Variants in SLC26A7 observed in about 807,000 individuals in gnomAD.
SLC26A7 encodes the protein solute carrier family 26 member 7.
In SLC26A7, 59 loss-of-function variants were observed where a neutral mutation model predicts 82.5. The observed-to-expected ratio is 0.72, with a 90% CI of 0.58 to 0.89. The LOEUF (loss-of-function observed/expected upper bound fraction) is 0.89. SLC26A7 is among the 40% of genes least tolerant of loss of function. The pLI is 0.00. For missense variants in SLC26A7, 820 were observed against 793.0 expected (o/e 1.03, Z -0.41); for synonymous variants, 271 against 274.3 (o/e 0.99, Z 0.12).
chr8:91,237,113 G>A (rs984042219), intron 2 of SLC26A7, among the ~76,000 whole-genome samples: 1 of 152,122 alleles, frequency 6.6e-6, no homozygotes, highest in African/African-American at 2.4e-5. Context: ...GGTGGCCAGG[G>A]GTAGAACATA....
intron 9 of SLC26A7, among the ~76,000 whole-genome samples, chr8:91,344,921 G>T (rs1813518939): frequency 6.6e-6 from 1 of 151,738 alleles, no homozygotes; most frequent in Non-Finnish European, 1.5e-5. Context: ...AAAATCCTAG[G>T]ATCCTATAGC....
chr8:91,278,368 A>G (rs1811462754), intron 2 of SLC26A7, among the ~76,000 whole-genome samples: 1 of 152,164 alleles, frequency 6.6e-6, no homozygotes, highest in African/African-American at 2.4e-5. Flanking sequence ...ATCCAAAATT[A>G]TCCTTCTATG....
chr8:91,306,507 C>A (rs1563670643), intron 4 of SLC26A7, among the ~76,000 whole-genome samples: 6 of 152,158 alleles, frequency 3.9e-5, no homozygotes, highest in East Asian at 1.9e-4. Context: ...ATTTTCTTTT[C>A]TTTTTTTCAC....
At chr8:91,358,881 T>C (rs879088747) in intron 11 of SLC26A7, among the ~76,000 whole-genome samples, 2 of 151,484 alleles carry the variant, frequency 1.3e-5, no homozygotes, top group Non-Finnish European at 2.9e-5. Flanking sequence ...AATTGAACAA[T>C]GAGAACACTC....
At chr8:91,332,641 C>A (rs529926483) in intron 5 of SLC26A7, among the ~76,000 whole-genome samples, 1 of 151,012 alleles carries the variant, frequency 6.6e-6, no homozygotes, top group Non-Finnish European at 1.5e-5. Context: ...GATTCCCCAC[C>A]GCCAGCAGTC....
At chr8:91,333,293 C>G (rs1813144843) in intron 5 of SLC26A7, among the ~76,000 whole-genome samples, 1 of 152,090 alleles carries the variant, frequency 6.6e-6, no homozygotes, top group Admixed American at 6.6e-5. Context: ...TCCCAAATTA[C>G]CAAGATTGAG....
chr8:91,271,346 A>T (rs1027967242), intron 2 of SLC26A7, among the ~76,000 whole-genome samples: 7 of 152,174 alleles, frequency 4.6e-5, no homozygotes, highest in African/African-American at 1.7e-4. Context: ...CCTATTTTTT[A>T]AAAAAGATTT....
At chr8:91,380,942 G>T (rs1814653861) in intron 15 of SLC26A7, among the ~76,000 whole-genome samples, 1 of 152,032 alleles carries the variant, frequency 6.6e-6, no homozygotes, top group Non-Finnish European at 1.5e-5. Flanking sequence ...ATACAATTGA[G>T]TTTTTACTTA....
At chr8:91,316,344 G>A (rs746840766) in intron 4 of SLC26A7, among the ~76,000 whole-genome samples, 4 of 151,098 alleles carry the variant, frequency 2.6e-5, no homozygotes, top group Admixed American at 6.6e-5. Context: ...CTGCAGTAGC[G>A]TGACCACAGC....
chr8:91,358,619 C>T (rs931875465), intron 11 of SLC26A7, among the ~76,000 whole-genome samples: 2 of 151,834 alleles, frequency 1.3e-5, no homozygotes, highest in South Asian at 2.1e-4. Flanking sequence ...TGTGAGTCAC[C>T]GCACCTGGCC....
At chr8:91,239,393 A>ATATATATATAT (rs1290343702) in intron 2 of SLC26A7, among the ~76,000 whole-genome samples, 3 of 101,850 alleles carry the variant, frequency 2.9e-5, no homozygotes, top group African/African-American at 9.9e-5. Flanking sequence ...AAAAAAAAAA[A>ATATATATATAT]AAATATATAT....
chr8:91,310,635 CAG>C (rs889056656), intron 4 of SLC26A7, among the ~76,000 whole-genome samples: 4 of 152,140 alleles, frequency 2.6e-5, no homozygotes, highest in Non-Finnish European at 5.9e-5. Flanking sequence ...GGCAAAATGG[CAG>C]AGTTTAACTG....
At chr8:91,381,237 A>G (rs896475281) in intron 15 of SLC26A7, among the ~76,000 whole-genome samples, 2 of 152,194 alleles carry the variant, frequency 1.3e-5, no homozygotes, top group Non-Finnish European at 2.9e-5. Flanking sequence ...CATTAGCAGT[A>G]CAATGGACAA....
At chr8:91,269,406 TG>T (rs1811206096) in intron 2 of SLC26A7, among the ~76,000 whole-genome samples, 1 of 152,008 alleles carries the variant, frequency 6.6e-6, no homozygotes, top group Non-Finnish European at 1.5e-5. Flanking sequence ...TAACAGTTTT[TG>T]TTGTTGTTGT....
rs1319328977 is a variant in SLC26A7 at position 91,362,442 on chromosome 8, G to C, written c.1404G>C (p.Val468=). 8 of 1,612,564 alleles carry C rather than the reference G, an allele frequency of 5.0e-6. No homozygotes were observed. The highest frequency in any genetic ancestry group is 6.8e-6 in the Non-Finnish European group (8 of 1,179,100). The change falls in exon 12 of 19, where the codon GTG becomes GTC. Residue 468 remains valine, a synonymous_variant. Transcript: ENST00000276609. ...GTGTTGTTTGTACCATAGCTATAGTGATAGGACGCTTCCCAAGGTAGGATC... is the reference window on the plus strand; with the variant it reads ...GTGTTGTTTGTACCATAGCTATAGTCATAGGACGCTTCCCAAGGTAGGATC... ...LFGVVCTIAI[V]IGRFPRAMTV...
intron 2 of SLC26A7, among the ~76,000 whole-genome samples, chr8:91,285,438 A>C (rs1027565125): frequency 2.0e-4 from 31 of 152,256 alleles, no homozygotes; most frequent in African/African-American, 7.2e-4. Context: ...CACCAGTCAT[A>C]TTGCATTAAG....
At chr8:91,234,695 C>T (rs1263268107) in intron 2 of SLC26A7, among the ~76,000 whole-genome samples, 15 of 152,054 alleles carry the variant, frequency 9.9e-5, no homozygotes, top group Non-Finnish European at 1.9e-4. Context: ...TGAAAATAAT[C>T]TTCTCATTCA....
chr8:91,270,703 A>G (rs1001206837), intron 2 of SLC26A7, among the ~76,000 whole-genome samples: 1 of 152,154 alleles, frequency 6.6e-6, no homozygotes, highest in African/African-American at 2.4e-5. Flanking sequence ...CTTACAGAGG[A>G]AGTTACTAGG....
rs903557125 is a variant in SLC26A7, at chr8:91,362,279, T to A, written c.1315-74T>A. ...CACAAGAGTGTTAAGAATATGATTG[T>A]GAGGAACTTAGCAATAATGAGAAGA... is the stretch of plus-strand genomic sequence containing the variant. On this transcript the variant is annotated intron_variant, in intron 11 of 18. Coordinates refer to ENST00000276609, the MANE Select transcript of SLC26A7 (RefSeq NM_052832.4). 2.1e-5 allele frequency: 22 copies of A among 1,055,608 alleles called. No individual in the cohort carries two copies. In the African/African-American group the frequency reaches 2.3e-4, roughly 11 times the overall value. The allele number at this position is 1,055,608 out of a possible 1,614,324, so 65.4% of individuals were successfully genotyped here. A position where few individuals can be genotyped will look rare whatever the true frequency, so the allele number is the denominator to read the frequency against.
Sources: gnomAD v4.1 joint callset for allele counts (sites outside exome capture counted in the v4.1 genomes callset) on GRCh38, gnomAD v4.1.1 for gene constraint, MANE v1.5 for transcripts, NCBI Gene and HGNC (gene_info 2026-07-23, HGNC 2026-07-21) for gene names.